TENM3: variants seen among roughly 807,000 people sequenced by gnomAD.
The protein encoded by TENM3 is teneurin transmembrane protein 3, also known as teneurin-3.
Under a neutral mutation model 255.1 loss-of-function variants are expected in TENM3, and 63 were observed. That is an observed-to-expected ratio of 0.25 (90% CI 0.20 to 0.30). TENM3 has a LOEUF of 0.30. Among genes scored for constraint, TENM3 ranks in the 10% least tolerant of loss-of-function variants. The probability of loss-of-function intolerance (pLI) is 1.00; values close to 1 mark genes in which losing one functional copy is unlikely to be tolerated. For missense variants in TENM3, 2,929 were observed against 3,461.1 expected (o/e 0.85, Z 3.86); for synonymous variants, 1,306 against 1,322.3 (o/e 0.99, Z 0.27).
the TENM3 span, among the ~76,000 whole-genome samples, chr4:181,683,394 G>A: frequency 6.6e-6 from 1 of 152,034 alleles, no homozygotes; most frequent in Non-Finnish European, 1.5e-5. Context: ...AGATTATGAT[G>A]GGCCTCAAAT....
At chr4:182,713,532 A>G (rs1432436703) in intron 12 of TENM3, among the ~76,000 whole-genome samples, 1 of 152,356 alleles carries the variant, frequency 6.6e-6, no homozygotes, top group Admixed American at 6.5e-5. Context: ...TATTTAATGC[A>G]CTGTAATTTC....
intron 3 of TENM3, among the ~76,000 whole-genome samples, chr4:182,504,889 C>T (rs1291091648): frequency 6.6e-6 from 1 of 152,174 alleles, no homozygotes; most frequent in Non-Finnish European, 1.5e-5. Context: ...CTCCCCAGCC[C>T]AGGTCATAAT....
intron 3 of TENM3, among the ~76,000 whole-genome samples, chr4:182,500,211 G>A (rs551490196): frequency 1.3e-4 from 20 of 152,204 alleles, no homozygotes; most frequent in African/African-American, 2.9e-4. Context: ...GAAAATACAC[G>A]ATAACTTGAC....
the TENM3 span, among the ~76,000 whole-genome samples, chr4:181,576,662 C>T: frequency 6.2e-3 from 937 of 151,980 alleles, 14 homozygotes; most frequent in African/African-American, 0.021. Flanking sequence ...GTGTTGAATG[C>T]GTATGTAAGG....
At chr4:181,651,616 A>G in the TENM3 span, among the ~76,000 whole-genome samples, 8 of 152,198 alleles carry the variant, frequency 5.3e-5, no homozygotes, top group African/African-American at 7.2e-5. Flanking sequence ...CCAACCTGAT[A>G]TCAACATTTT....
At chr4:182,264,874 AT>A (rs1228306974) in intron 1 of TENM3, among the ~76,000 whole-genome samples, 4 of 152,238 alleles carry the variant, frequency 2.6e-5, no homozygotes, top group Admixed American at 6.5e-5. Context: ...CTATAAATAT[AT>A]TTAAAAGGCC....
chr4:181,592,838 A>G, the TENM3 span, among the ~76,000 whole-genome samples: 6 of 152,296 alleles, frequency 3.9e-5, no homozygotes, highest in East Asian at 1.2e-3. Flanking sequence ...ACTTCTGCTC[A>G]GAAGGCTTTA....
chr4:181,451,820 G>C, the TENM3 span, among the ~76,000 whole-genome samples: 1 of 152,142 alleles, frequency 6.6e-6, no homozygotes, highest in Non-Finnish European at 1.5e-5. Flanking sequence ...TCATAAATCT[G>C]GGCCAAAGAT....
chr4:182,765,331 G>C (rs143115427), intron 22 of TENM3, among the ~76,000 whole-genome samples: 1 of 152,154 alleles, frequency 6.6e-6, no homozygotes, highest in Non-Finnish European at 1.5e-5. Context: ...CATAATAAAA[G>C]ACAACAGCTG....
At chr4:182,241,518 C>CTTTTTTTTTTTTTTTTT (rs982739950), upstream of TENM3, among the ~76,000 whole-genome samples, 159 of 114,256 alleles carry the variant, frequency 1.4e-3, 1 homozygote, top group African/African-American at 2.2e-3. Flanking sequence ...TTTTTTCTTT[C>CTTTTTTTTTTTTTTTTT]TTTTTTTTTT....
chr4:182,741,914 C>T (rs902706782), intron 18 of TENM3, among the ~76,000 whole-genome samples: 11 of 152,104 alleles, frequency 7.2e-5, no homozygotes, highest in African/African-American at 2.7e-4. Context: ...AAAATTATCC[C>T]GAAGTGGGGG....
the TENM3 span, among the ~76,000 whole-genome samples, chr4:181,669,640 CCAGCGTAT>C: frequency 2.0e-5 from 3 of 152,122 alleles, no homozygotes; most frequent in African/African-American, 7.2e-5. Flanking sequence ...CCAGATACCC[CCAGCGTAT>C]CAGCACAGAG....
At chr4:182,508,314 T>C (rs1737044424) in intron 3 of TENM3, among the ~76,000 whole-genome samples, 1 of 152,116 alleles carries the variant, frequency 6.6e-6, no homozygotes, top group African/African-American at 2.4e-5. Flanking sequence ...TTGGTTTCAT[T>C]AAAGTAACTA....
At chr4:182,331,176 G>GA (rs1040719789) in intron 2 of TENM3, among the ~76,000 whole-genome samples, 7 of 152,114 alleles carry the variant, frequency 4.6e-5, no homozygotes, top group African/African-American at 1.4e-4. Flanking sequence ...AAGGCAACAG[G>GA]AAAAATCATG....
the TENM3 span, among the ~76,000 whole-genome samples, chr4:182,134,066 C>T: frequency 8.6e-5 from 13 of 151,712 alleles, no homozygotes; most frequent in African/African-American, 2.7e-4. Flanking sequence ...ATTAGAAAAT[C>T]ATTGGTCCAG....
chr4:181,451,550 C>T, the TENM3 span, among the ~76,000 whole-genome samples: 1 of 151,944 alleles, frequency 6.6e-6, no homozygotes, highest in Non-Finnish European at 1.5e-5. Flanking sequence ...AGATTTTACA[C>T]CAGTTGAGGA....
chr4:182,288,679 A>T (rs1010795796), intron 1 of TENM3, among the ~76,000 whole-genome samples: 1 of 152,170 alleles, frequency 6.6e-6, no homozygotes, highest in Non-Finnish European at 1.5e-5. Flanking sequence ...TTGACTTCAG[A>T]CTGGAGTGAC....
the TENM3 span, among the ~76,000 whole-genome samples, chr4:181,605,574 G>GAAAGAAAGA: frequency 3.2e-4 from 7 of 22,030 alleles, 2 homozygotes; most frequent in East Asian, 1.1e-3. Context: ...AAGAAAGAGA[G>GAAAGAAAGA]AGAAAGAAAG....
chr4:181,875,582 T>C, the TENM3 span, among the ~76,000 whole-genome samples: 2 of 152,138 alleles, frequency 1.3e-5, no homozygotes, highest in Non-Finnish European at 2.9e-5. Context: ...AGGAAAAACA[T>C]GTCCCATTTA....
Sources: allele counts gnomAD v4.1 joint callset (sites outside exome capture counted in the v4.1 genomes callset), GRCh38; gene constraint gnomAD v4.1.1; transcripts MANE v1.5; gene names NCBI Gene and HGNC (gene_info 2026-07-23, HGNC 2026-07-21).